The following PTBP1 variants were observed in gnomAD, a reference collection of about 807,000 sequenced individuals.
PTBP1 encodes polypyrimidine tract binding protein 1.
Under a neutral mutation model 59.8 loss-of-function variants are expected in PTBP1, and 8 were observed. That is an observed-to-expected ratio of 0.13 (90% CI 0.08 to 0.24). PTBP1 has a LOEUF of 0.24. Ranked by LOEUF, PTBP1 falls within the 10% of genes least tolerant of loss-of-function variation. The pLI is 1.00. For synonymous variants in PTBP1, 490 were observed against 320.7 expected, an observed-to-expected ratio of 1.53 and a Z score of -5.64; for missense variants, 686 against 767.0, an observed-to-expected ratio of 0.89 and a Z score of 1.25.
In PTBP1 at chr19:805,187, G is replaced by T; in HGVS notation, c.892G>T (p.Gly298Cys). The change falls in exon 8 of 15, where the codon GGT becomes TGT. Residue 298 changes from glycine (G) to cysteine (C), a missense_variant and splice_region_variant. Physicochemically the swap from Gly to Cys is radical, Grantham distance 159. Transcript: ENST00000356948. ...SLDQTMAAAF[G>C]APGIISASPY... ...GGACCAGACCATGGCCGCGGCCTTC[G>T]GTAAGAGGCTGCCCGACGCGGCGCC... 6.2e-7 allele frequency: 1 copy of T among 1,613,082 alleles called. No homozygotes were observed. Among genetic ancestry groups the T allele is most frequent in the South Asian group, 1.1e-5 (1 of 91,070 alleles).
chr19:805,080 G>T lies in PTBP1; in HGVS notation c.785G>T (p.Ser262Ile), dbSNP rs1303915102. 3 of 1,613,790 alleles carry T rather than the reference G, an allele frequency of 1.9e-6. No individual in the cohort carries two copies. The African/African-American group carries it at 4.0e-5, about 22-fold the overall frequency. Residue 262 changes from serine to isoleucine, a missense_variant, in exon 8 of 15, where the codon AGC (serine) becomes ATC (isoleucine). Transcript: ENST00000356948. ...TLRIDFSKLT[S>I]LNVKYNNDKS... Reference sequence around the variant, plus strand: ...CGCATCGACTTTTCCAAGCTCACCAGCCTCAACGTCAAGTACAACAATGAC... The same window carrying T: ...CGCATCGACTTTTCCAAGCTCACCATCCTCAACGTCAAGTACAACAATGAC...
At chr19:797,601 T>A (rs957122561) in intron 1 of PTBP1, 96 bp downstream of exon 1, 4 of 869,432 alleles carry the variant, frequency 4.6e-6, no homozygotes, top group Non-Finnish European at 6.0e-6. Context: ...TCTCGCCCCC[T>A]CTCGGGCGGG....
Position 808,267 on chromosome 19 carries a change from C to G in PTBP1, c.1154-93C>G, listed in dbSNP as rs953672026. ...TAAAGCAAACCCGGCCGGGCTGAGC[C>G]GGGCCTTGTGGGGGTGCGCGGGGCC... On this transcript the variant is annotated intron_variant, in intron 11 of 14. Transcript: ENST00000356948. This position sits in a 1 kb window ranked among gnomAD's most constrained non-coding sequence, Gnocchi z 4.7. 1.8e-6 allele frequency: 2 copies of G among 1,094,852 alleles called. No individual in the cohort carries two copies. The highest frequency in any genetic ancestry group is 2.7e-6 in the Non-Finnish European group (2 of 739,010). 67.8% of individuals were successfully genotyped at this position (1,094,852 alleles called of 1,614,324 possible).
At chr19:809,228 T>C (rs77530354) in intron 13 of PTBP1, among the ~76,000 whole-genome samples, 7,395 of 152,166 alleles carry the variant, frequency 0.049, 246 homozygotes, top group Middle Eastern at 0.13. Flanking sequence ...AGGCTGATCT[T>C]GATCTCCTGA....
chr19:803,929 C>A, intron 3 of PTBP1, 107 bp from the exon 4 acceptor site: 1 of 1,335,210 alleles, frequency 7.5e-7, no homozygotes, highest in Non-Finnish European at 1.0e-6. Context: ...CCTCCTGGGG[C>A]TCAGGGTTGG....
At chr19:807,618 TA>T (rs2034644306) in intron 10 of PTBP1, 2 of 478,080 alleles carry the variant, frequency 4.2e-6, no homozygotes, top group Non-Finnish European at 7.3e-6. Context: ...GACTGCACGG[TA>T]CTTCTGCTTC....
Position 797,518 on chromosome 19 carries a change from T to TCGCCCCGCGCCCCACCGCC in PTBP1, c.8+15_8+33dup. ...GTGCCATGGACGGGTGAGTCGCACGTCGCCCCGCGCCCCACCGCCCTCCCC... is the reference window on the plus strand; with the variant it reads ...GTGCCATGGACGGGTGAGTCGCACGTCGCCCCGCGCCCCACCGCCCGCCCCGCGCCCCACCGCCCTCCCC... On this transcript the variant is annotated intron_variant, in intron 1 of 14. Coordinates refer to ENST00000356948, the MANE Select transcript of PTBP1 (RefSeq NM_002819.5). The TCGCCCCGCGCCCCACCGCC allele has an allele frequency of 1.3e-6, 2 of 1,514,844 alleles. No individual in the cohort carries two copies. The highest frequency in any genetic ancestry group is 8.8e-7 in the Non-Finnish European group (1 of 1,137,294). The allele number at this position is 1,514,844 out of a possible 1,614,324, so 93.8% of individuals were successfully genotyped here. A position where few individuals can be genotyped will look rare whatever the true frequency, so the allele number is the denominator to read the frequency against.
In PTBP1 at chr19:805,531, C is replaced by T; in HGVS notation, c.932C>T (p.Ala311Val). 2 of 1,613,940 alleles carry T rather than the reference C, an allele frequency of 1.2e-6. No homozygotes were observed. Among genetic ancestry groups the T allele is most frequent in the Non-Finnish European group, 1.7e-6 (2 of 1,179,798 alleles). The change falls in exon 9 of 15, where the codon GCT becomes GTT. Residue 311 changes from alanine (A) to valine (V), a missense_variant. Ala to Val is a moderately conservative substitution (Grantham distance 64). Coordinates refer to ENST00000356948, the MANE Select transcript of PTBP1 (RefSeq NM_002819.5). ...ATCTCAGCCTCTCCGTATGCAGGAG[C>T]TGGTTTCCCTCCCACCTTTGCCATT... ...GIISASPYAG[A>V]GFPPTFAIPQ...
At chr19:810,480 C>A (rs138522566) in intron 13 of PTBP1, 63 bp from the exon 14 acceptor site, 7 of 1,443,862 alleles carry the variant, frequency 4.8e-6, no homozygotes, top group Admixed American at 2.0e-5. Flanking sequence ...GAAAGCCTCG[C>A]GGACCTGACT....
chr19:802,120 G>C (rs528222510), intron 2 of PTBP1, among the ~76,000 whole-genome samples: 18 of 152,206 alleles, frequency 1.2e-4, no homozygotes, highest in African/African-American at 4.3e-4. Flanking sequence ...TGTGGGATTG[G>C]TGGGAGACTC....
At chr19:806,190 C>T (rs911047293) in intron 9 of PTBP1, 27 of 486,980 alleles carry the variant, frequency 5.5e-5, no homozygotes, top group African/African-American at 1.7e-4. Context: ...AGGCCCGGCC[C>T]GGCCCGTGCT....
chr19:810,323 G>C (rs993598438), intron 13 of PTBP1, among the ~76,000 whole-genome samples: 1 of 152,174 alleles, frequency 6.6e-6, no homozygotes. Flanking sequence ...AAAAGTGGAG[G>C]AGCGTGGTAC....
Position 808,682 on chromosome 19 carries a change from G to C in PTBP1, c.1383G>C (p.Leu461=), listed in dbSNP as rs749808623. ...GLTKDYGNSP[L]HRFKKPGSKN... ...CCAAGGACTACGGCAACTCACCCCT[G>C]CACCGCTTCAAGAAGCCGGGCTCCA... The change falls in exon 13 of 15, where the codon CTG becomes CTC. Residue 461 remains leucine, a synonymous_variant. Coordinates refer to ENST00000356948, the MANE Select transcript of PTBP1 (RefSeq NM_002819.5). This position sits in a 1 kb window ranked among gnomAD's most constrained non-coding sequence, Gnocchi z 4.7. 1.4e-5 allele frequency: 23 copies of C among 1,613,012 alleles called. 1 individual carries two copies. The South Asian group carries it at 2.5e-4, about 18-fold the overall frequency.
At position 803,581 on chromosome 19, in the gene PTBP1, C is replaced by G. The variant is rs758308355; in HGVS notation, c.60C>G (p.Phe20Leu). The G allele has an allele frequency of 6.2e-7, 1 of 1,614,196 alleles. No homozygotes were observed. The highest frequency in any genetic ancestry group is 1.1e-5 in the South Asian group (1 of 91,090). The stretch of plus-strand genomic sequence containing the variant: ...TGCAGCGGGGATCTGACGAGCTTTT[C>G]TCTACTTGTGTCACTAACGGACCGT... The part of the protein sequence containing the change: ...VGTKRGSDEL[F>L]STCVTNGPFI... Residue 20 changes from phenylalanine (F) to leucine (L), a missense_variant, in exon 3 of 15, where the codon TTC (phenylalanine) becomes TTG (leucine). Transcript: ENST00000356948.
chr19:810,694 G>A lies in PTBP1; in HGVS notation c.1542G>A (p.Gln514=), dbSNP rs2034186084. 1 of 1,611,952 alleles carries A rather than the reference G, an allele frequency of 6.2e-7. No individual in the cohort carries two copies. Among genetic ancestry groups the A allele is most frequent in the Non-Finnish European group, 8.5e-7 (1 of 1,179,382 alleles). Residue 514 remains glutamine, a splice_region_variant and synonymous_variant, in exon 15 of 15, where the codon CAG becomes CAA. Transcript: ENST00000356948. ...CCGGCCCTGACCCCCTGTCTTGCAG[G>A]AAGGACCGCAAGATGGCACTGATCC... ...GGVVKGFKFF[Q]KDRKMALIQM...
At chr19:799,697 A>G (rs935796579) in intron 2 of PTBP1, among the ~76,000 whole-genome samples, 11 of 152,180 alleles carry the variant, frequency 7.2e-5, no homozygotes, top group African/African-American at 2.2e-4. Context: ...TCTTGCTGTC[A>G]GCAGCGAGGG....
chr19:803,060 G>A (rs113189046), intron 2 of PTBP1, among the ~76,000 whole-genome samples: 2,128 of 152,320 alleles, frequency 0.014, 57 homozygotes, highest in African/African-American at 0.048. Flanking sequence ...CTGCGAGAGT[G>A]AGGGAGGCAG....
At chr19:802,737 CTT>C (rs769381755) in intron 2 of PTBP1, among the ~76,000 whole-genome samples, 14 of 152,364 alleles carry the variant, frequency 9.2e-5, no homozygotes, top group Admixed American at 4.6e-4. Context: ...CAATTTCACT[CTT>C]TGAATAAACG....
At chr19:809,090 C>T (rs902645356) in intron 13 of PTBP1, among the ~76,000 whole-genome samples, 13 of 152,090 alleles carry the variant, frequency 8.5e-5, no homozygotes, top group African/African-American at 2.7e-4. Flanking sequence ...TTCACTGCAA[C>T]CTCCGCCTCT....
Sources: gnomAD v4.1 joint callset for allele counts (sites outside exome capture counted in the v4.1 genomes callset) on GRCh38, gnomAD v4.1.1 for gene constraint, Gnocchi (gnomAD v3.1) non-coding constraint, MANE v1.5 for transcripts, NCBI Gene and HGNC (gene_info 2026-07-23, HGNC 2026-07-21) for gene names.